CCDC148: variants seen among roughly 807,000 people sequenced by gnomAD.
The protein encoded by CCDC148 is coiled-coil domain-containing protein 148.
Under a neutral mutation model 85.7 loss-of-function variants are expected in CCDC148, and 89 were observed. The ratio of observed to expected loss-of-function variants is 1.04; its 90% CI spans 0.87 to 1.24. The LOEUF (loss-of-function observed/expected upper bound fraction) is 1.24, where lower values mean the gene tolerates loss of function less well. CCDC148 is among the 50% of genes most tolerant of loss of function. CCDC148 has a pLI of 0.00. For missense variants in CCDC148, 692 were observed against 671.7 expected, an observed-to-expected ratio of 1.03 and a Z score of -0.33; for synonymous variants, 230 against 213.9, an observed-to-expected ratio of 1.08 and a Z score of -0.66.
chr2:158,450,068 C>G (rs1688342148), intron 1 of CCDC148, among the ~76,000 whole-genome samples: 1 of 151,276 alleles, frequency 6.6e-6, no homozygotes, highest in Non-Finnish European at 1.5e-5. Flanking sequence ...TTAGTAGGTA[C>G]TGTTGTCTTG....
chr2:158,432,257 A>G (rs1687390494), intron 1 of CCDC148, among the ~76,000 whole-genome samples: 1 of 151,992 alleles, frequency 6.6e-6, no homozygotes, highest in Non-Finnish European at 1.5e-5. Flanking sequence ...GCAGGATGGT[A>G]GGCTTACATC....
Position 158,172,178 on chromosome 2 carries a change from A to C in CCDC148, c.1711T>G (p.Leu571Val). The C allele has an allele frequency of 1.2e-6, 2 of 1,610,366 alleles. No homozygotes were observed. Among genetic ancestry groups the C allele is most frequent in the Non-Finnish European group, 1.7e-6 (2 of 1,177,726 alleles). ...GGTTTTTGAGGACTAATTTTTGGTA[A>C]TATCTCTTTAGCATAAAGTGTTCTA... ...LHRTLYAKEI[L>V]PKISPQKPPR... Residue 571 changes from leucine (L) to valine (V), a missense_variant, in exon 14 of 14, where the codon TTA becomes GTA. Physicochemically the swap from Leu to Val is conservative, Grantham distance 32. Coordinates refer to ENST00000283233, the MANE Select transcript of CCDC148 (RefSeq NM_138803.4).
chr2:158,281,010 C>T (rs943137946), intron 9 of CCDC148, among the ~76,000 whole-genome samples: 1 of 152,182 alleles, frequency 6.6e-6, no homozygotes, highest in African/African-American at 2.4e-5. Context: ...AACTGAACAA[C>T]CTGCTCCTGA....
intron 1 of CCDC148, among the ~76,000 whole-genome samples, chr2:158,435,145 C>T (rs961214931): frequency 1.1e-4 from 16 of 152,104 alleles, no homozygotes; most frequent in East Asian, 3.9e-4. Flanking sequence ...AGATACTCCT[C>T]GAGAAGAGCA....
chr2:158,222,391 G>T (rs1189025083), intron 10 of CCDC148, among the ~76,000 whole-genome samples: 1 of 152,072 alleles, frequency 6.6e-6, no homozygotes, highest in Non-Finnish European at 1.5e-5. Context: ...CTCAAGACCA[G>T]TTATTTCCAT....
intron 1 of CCDC148, among the ~76,000 whole-genome samples, chr2:158,377,286 G>T (rs368376294): frequency 1.3e-5 from 2 of 151,866 alleles, no homozygotes; most frequent in South Asian, 2.1e-4. Flanking sequence ...GGTGTGGGGG[G>T]GGTGGGGTAC....
chr2:158,407,027 T>C (rs1036670240), intron 1 of CCDC148, among the ~76,000 whole-genome samples: 1 of 152,154 alleles, frequency 6.6e-6, no homozygotes, highest in Non-Finnish European at 1.5e-5. Context: ...TCTCCCTTTC[T>C]TTCCCCTCTA....
intron 9 of CCDC148, among the ~76,000 whole-genome samples, chr2:158,288,149 A>G (rs7570512): frequency 1 from 152,290 of 152,298 alleles, 76,141 homozygotes; most frequent in Non-Finnish European, 1. Context: ...CAGGAACCCT[A>G]GGCCCAGCCC....
chr2:158,456,464 C>A lies in CCDC148; in HGVS notation c.-25G>T. ...TGTCAAAGGTCAAAGGGCATAGCCT[C>A]AGGGACTCCCCAAACGCAGGAAAAG... is the stretch of plus-strand genomic sequence containing the variant. On this transcript the variant is annotated 5_prime_UTR_variant, in exon 1 of 14. Transcript: ENST00000283233. The A allele has an allele frequency of 6.2e-7, 1 of 1,607,642 alleles. No individual in the cohort carries two copies. The highest frequency in any genetic ancestry group is 8.5e-7 in the Non-Finnish European group (1 of 1,177,088).
rs187866395 is a variant in CCDC148, at chr2:158,262,890, A to G, written c.1111-11978T>C. The stretch of plus-strand genomic sequence containing the variant: ...AAAGTTTAAAAATAATAGTAATAAA[A>G]GAAAAAAGAAAACTCGGATTGGCAA... On this transcript the variant is annotated intron_variant, in intron 9 of 13. Transcript: ENST00000283233. 7.2e-5 allele frequency among the ~76,000 whole-genome samples: 11 copies of G among 152,168 alleles called. No individual in the cohort carries two copies. In the East Asian group the frequency reaches 1.7e-3, roughly 24 times the overall value.
At chr2:158,238,911 C>T (rs530131918) in intron 10 of CCDC148, among the ~76,000 whole-genome samples, 1 of 152,136 alleles carries the variant, frequency 6.6e-6, no homozygotes, top group Non-Finnish European at 1.5e-5. Flanking sequence ...GAGCATAGCA[C>T]AGTGTCTAAA....
Position 158,309,598 on chromosome 2 carries a change from T to C in CCDC148, c.945A>G (p.Ile315Met). The change falls in exon 9 of 14, where the codon ATA becomes ATG. Residue 315 changes from isoleucine (I) to methionine (M), a missense_variant. By Grantham distance (10) the Ile-to-Met change is conservative (BLOSUM62 1). Coordinates refer to ENST00000283233, the MANE Select transcript of CCDC148 (RefSeq NM_138803.4). The part of the protein sequence containing the change: ...EKYCDQYRFA[I>M]EQQNILISNW... ...TTGATATCAGGATATTTTGCTGCTCTATAGCAAAGCGATATTGGTCACAAT... is the reference window on the plus strand; with the variant it reads ...TTGATATCAGGATATTTTGCTGCTCCATAGCAAAGCGATATTGGTCACAAT... 5.6e-6 allele frequency: 9 copies of C among 1,613,728 alleles called. No homozygotes were observed. Among genetic ancestry groups the C allele is most frequent in the Non-Finnish European group, 7.6e-6 (9 of 1,179,634 alleles).
intron 9 of CCDC148, among the ~76,000 whole-genome samples, chr2:158,280,467 G>A (rs1005947377): frequency 6.6e-6 from 1 of 152,032 alleles, no homozygotes; most frequent in Non-Finnish European, 1.5e-5. Context: ...AAAAGGCAGG[G>A]GTTGCAATCC....
chr2:158,224,489 G>T (rs539823329), intron 10 of CCDC148, among the ~76,000 whole-genome samples: 1 of 152,124 alleles, frequency 6.6e-6, no homozygotes, highest in African/African-American at 2.4e-5. Context: ...TCCTTGAGAA[G>T]AGCAACTCCA....
chr2:158,345,216 T>C lies in CCDC148; in HGVS notation c.250A>G (p.Arg84Gly). 6.2e-7 allele frequency: 1 copy of C among 1,611,458 alleles called. No homozygotes were observed. The highest frequency in any genetic ancestry group is 2.2e-5 in the East Asian group (1 of 44,754). ...CTTACTATGTCCCCCAGTTCTTACC[T>C]GACTTCATTCAGCCTCTGGTATTCC... is the stretch of plus-strand genomic sequence containing the variant. Reference protein sequence around the residue: ...WQEYQRLNEVRCKMESEIKSL... With the variant: ...WQEYQRLNEVGCKMESEIKSL... The change falls in exon 3 of 14, where the codon AGA (arginine) becomes GGA (glycine). Residue 84 changes from arginine (R) to glycine (G), a missense_variant and splice_region_variant. By Grantham distance (125) the Arg-to-Gly change is moderately radical. Coordinates refer to ENST00000283233, the MANE Select transcript of CCDC148 (RefSeq NM_138803.4).
At chr2:158,333,356 A>G (rs145876738) in intron 7 of CCDC148, among the ~76,000 whole-genome samples, 3,108 of 152,162 alleles carry the variant, frequency 0.02, 53 homozygotes, top group South Asian at 0.049. Context: ...CTGAGTTCTA[A>G]TTTGATTGCA....
intron 9 of CCDC148, among the ~76,000 whole-genome samples, chr2:158,257,626 G>A (rs1424909747): frequency 1.3e-5 from 2 of 151,634 alleles, no homozygotes; most frequent in Non-Finnish European, 2.9e-5. Flanking sequence ...GGTTTCTTAG[G>A]TAACTTCATA....
At position 158,456,456 on chromosome 2, in the gene CCDC148, C is replaced by A. The variant is rs1223680052; in HGVS notation, c.-17G>T. On this transcript the variant is annotated 5_prime_UTR_variant, in exon 1 of 14. An upstream start codon of the reference 5' UTR is lost. Transcript: ENST00000283233. ...TGCACACATGTCAAAGGTCAAAGGG[C>A]ATAGCCTCAGGGACTCCCCAAACGC... The A allele has an allele frequency of 6.2e-7, 1 of 1,609,392 alleles. No individual in the cohort carries two copies. Among genetic ancestry groups the A allele is most frequent in the South Asian group, 1.1e-5 (1 of 89,700 alleles).
At chr2:158,176,097 A>C (rs1175512111) in intron 13 of CCDC148, among the ~76,000 whole-genome samples, 1 of 152,016 alleles carries the variant, frequency 6.6e-6, no homozygotes, top group Non-Finnish European at 1.5e-5. Flanking sequence ...GTTCATTTTC[A>C]TTTCTAAAAA....
Sources: gnomAD v4.1 joint callset for allele counts (sites outside exome capture counted in the v4.1 genomes callset) on GRCh38, gnomAD v4.1.1 for gene constraint, MANE v1.5 for transcripts, NCBI Gene and HGNC (gene_info 2026-07-23, HGNC 2026-07-21) for gene names.